The following NTN1 variants were observed in gnomAD, a reference collection of about 807,000 sequenced individuals.
The protein encoded by NTN1 is netrin-1.
A neutral mutation model predicts 54.2 loss-of-function variants in NTN1; 11 were observed. That is an observed-to-expected ratio of 0.20 (90% CI 0.13 to 0.34). The LOEUF (loss-of-function observed/expected upper bound fraction) is 0.34, where lower values mean the gene tolerates loss of function less well. Ranked by LOEUF, NTN1 falls within the 10% of genes least tolerant of loss-of-function variation. The probability of loss-of-function intolerance (pLI) is 1.00; values close to 1 mark genes in which losing one functional copy is unlikely to be tolerated. For missense variants in NTN1, 740 were observed against 893.1 expected (o/e 0.83, Z 2.18); for synonymous variants, 371 against 382.0 (o/e 0.97, Z 0.33).
At chr17:9,190,281 G>A (rs1047834698) in intron 5 of NTN1, among the ~76,000 whole-genome samples, 11 of 152,174 alleles carry the variant, frequency 7.2e-5, no homozygotes, top group Non-Finnish European at 1.3e-4. Flanking sequence ...GTCTTGCCAC[G>A]TTCTGAGAAG....
chr17:9,048,299 T>C (rs2091947271), intron 2 of NTN1, among the ~76,000 whole-genome samples: 1 of 136,664 alleles, frequency 7.3e-6, no homozygotes, highest in Non-Finnish European at 1.5e-5. Flanking sequence ...TGAGCAGTAA[T>C]ATTTTGAAAG....
chr17:9,074,106 G>T (rs538585751), intron 2 of NTN1, among the ~76,000 whole-genome samples: 4 of 152,198 alleles, frequency 2.6e-5, no homozygotes, highest in Non-Finnish European at 4.4e-5. Context: ...GTCTTTTGGC[G>T]CCAAGAGGGC....
At chr17:9,020,943 G>A (rs184422509), upstream of NTN1, among the ~76,000 whole-genome samples, 253 of 152,184 alleles carry the variant, frequency 1.7e-3, 2 homozygotes, top group Non-Finnish European at 3.1e-3. Context: ...CGGGGGCTTC[G>A]GGCAAAAATG....
chr17:9,184,289 G>A (rs1161061754), intron 5 of NTN1, among the ~76,000 whole-genome samples: 1 of 152,178 alleles, frequency 6.6e-6, no homozygotes, highest in Non-Finnish European at 1.5e-5. Flanking sequence ...GAGCCTTTAG[G>A]GACTTTTGGT....
intron 2 of NTN1, among the ~76,000 whole-genome samples, chr17:9,097,353 G>C (rs1480239906): frequency 6.6e-6 from 1 of 152,154 alleles, no homozygotes; most frequent in Non-Finnish European, 1.5e-5. Flanking sequence ...TTCTGGGCGC[G>C]GTGGCTCAAG....
chr17:9,032,802 C>T (rs573623042), intron 2 of NTN1, among the ~76,000 whole-genome samples: 1 of 152,204 alleles, frequency 6.6e-6, no homozygotes, highest in South Asian at 2.1e-4. Context: ...CAGAGGTGGG[C>T]AGGTCGATCT....
intron 2 of NTN1, among the ~76,000 whole-genome samples, chr17:9,031,553 C>T (rs2091888400): frequency 1.3e-5 from 2 of 152,128 alleles, no homozygotes; most frequent in Admixed American, 6.5e-5. Context: ...GAAGACCTTC[C>T]CCTTCCCCAA....
rs137913923 is a variant in NTN1, at chr17:9,033,074, C to A, written c.1018+9683C>A. ...GTTCAAGTGATTCTTCTGTCTCAGC[C>A]TCCTGAGTAGCTGGGATTACAGGCA... is the stretch of plus-strand genomic sequence containing the variant. On this transcript the variant is annotated intron_variant, in intron 2 of 6. Coordinates refer to ENST00000173229, the MANE Select transcript of NTN1 (RefSeq NM_004822.3). Among the ~76,000 whole-genome samples the A allele has an allele frequency of 2.9e-4, 44 of 151,946 alleles. No homozygotes were observed. The East Asian group carries it at 7.9e-3, about 27-fold the overall frequency.
intron 1 of NTN1, 106 bp from the exon 2 acceptor site, chr17:9,022,204 TG>T: frequency 1.4e-6 from 1 of 726,778 alleles, no homozygotes; most frequent in Non-Finnish European, 1.9e-6. Flanking sequence ...GGCTGCGGGG[TG>T]GGTGCCCAGG....
intron 6 of NTN1, among the ~76,000 whole-genome samples, chr17:9,226,164 G>GGGT (rs554105732): frequency 3.5e-5 from 5 of 144,672 alleles, no homozygotes; most frequent in Admixed American, 6.8e-5. Flanking sequence ...TTTGGGGTCG[G>GGGT]GGGGGGGCCT....
chr17:9,139,300 C>T (rs746560964), intron 2 of NTN1, among the ~76,000 whole-genome samples: 1 of 152,152 alleles, frequency 6.6e-6, no homozygotes, highest in Non-Finnish European at 1.5e-5. Context: ...ACCGGAGGGC[C>T]AGGCCTGACG....
In NTN1 at chr17:9,221,190, C is replaced by T. The variant is rs899111695; in HGVS notation, c.1434C>T (p.Ala478=). Residue 478 remains alanine, a synonymous_variant, in exon 6 of 7, where the codon GCC becomes GCT. Transcript: ENST00000173229. The surrounding 1 kb of genome is among the most constrained non-coding windows in gnomAD (Gnocchi z 4.5). ...CAGACTGCGATTCCTACTGCAAGGC[C>T]TCCAAGGGGAAGCTGAAGATTAACA... ...EPEDCDSYCK[A]SKGKLKINMK... 3 of 1,612,296 alleles carry T rather than the reference C, an allele frequency of 1.9e-6. No individual in the cohort carries two copies. The highest frequency in any genetic ancestry group is 1.3e-5 in the African/African-American group (1 of 74,394).
chr17:9,237,600 G>A (rs1251894113), intron 6 of NTN1, among the ~76,000 whole-genome samples: 1 of 152,154 alleles, frequency 6.6e-6, no homozygotes, highest in East Asian at 1.9e-4. Context: ...TTGTTGGGCT[G>A]CTCCAGCCCA....
intron 2 of NTN1, among the ~76,000 whole-genome samples, chr17:9,100,308 A>G (rs778525360): frequency 1.3e-5 from 2 of 150,968 alleles, no homozygotes; most frequent in Non-Finnish European, 3.0e-5. Flanking sequence ...TTATTTATTT[A>G]TTTTTTTGAG....
chr17:9,238,175 C>T (rs1906058019), intron 6 of NTN1, among the ~76,000 whole-genome samples: 1 of 152,120 alleles, frequency 6.6e-6, no homozygotes, highest in Admixed American at 6.6e-5. Flanking sequence ...GGAGGGCAGG[C>T]TCAGCTGGGG....
Position 9,022,616 on chromosome 17 carries a change from C to T in NTN1, c.243C>T (p.Ser81=). The change falls in exon 2 of 7, where the codon AGC becomes AGT. Residue 81 remains serine (S), a synonymous_variant. Transcript: ENST00000173229. The part of the protein sequence containing the change: ...GRPPARYCVV[S]ERGEERLRSC... ...CCCCGGCGCGCTACTGCGTGGTGAG[C>T]GAGCGCGGCGAGGAGCGGCTGCGCT... 2 of 1,551,082 alleles carry T rather than the reference C, an allele frequency of 1.3e-6. No homozygotes were observed. Among genetic ancestry groups the T allele is most frequent in the Non-Finnish European group, 8.7e-7 (1 of 1,148,632 alleles).
chr17:9,180,403 C>T lies in NTN1; in HGVS notation c.1357+447C>T, dbSNP rs74545607. On this transcript the variant is annotated intron_variant, in intron 4 of 6. Coordinates refer to ENST00000173229, the MANE Select transcript of NTN1 (RefSeq NM_004822.3). ...CAAGGCCTCATGCTCAGTGAGTCCA[C>T]GTGGGAGACCCCCCAAGCTCATAGA... 2.9e-3 allele frequency among the ~76,000 whole-genome samples: 447 copies of T among 152,346 alleles called. 5 individuals carry two copies. Among genetic ancestry groups the T allele is most frequent in the African/African-American group, 9.8e-3 (407 of 41,586 alleles).
At chr17:9,184,786 T>C (rs1487608408) in intron 5 of NTN1, among the ~76,000 whole-genome samples, 1 of 152,076 alleles carries the variant, frequency 6.6e-6, no homozygotes, top group South Asian at 2.1e-4. Flanking sequence ...TGGGGAAAAA[T>C]GTGGAGGGGA....
intron 6 of NTN1, among the ~76,000 whole-genome samples, chr17:9,226,857 C>T (rs1435447068): frequency 2.6e-5 from 4 of 151,984 alleles, no homozygotes; most frequent in Admixed American, 1.3e-4. Flanking sequence ...GGAGCAAGGC[C>T]CTGCTGGAGG....
Sources: allele counts gnomAD v4.1 joint callset (sites outside exome capture counted in the v4.1 genomes callset), GRCh38; gene constraint gnomAD v4.1.1; non-coding constraint Gnocchi (gnomAD v3.1); transcripts MANE v1.5; gene names NCBI Gene and HGNC (gene_info 2026-07-23, HGNC 2026-07-21).